EXOC4: variants seen among roughly 807,000 people sequenced by gnomAD.
The protein encoded by EXOC4 is SEC8-like 1.
Under a neutral mutation model 107.2 loss-of-function variants are expected in EXOC4, and 71 were observed. The observed-to-expected ratio is 0.66, with a 90% CI of 0.55 to 0.81. The LOEUF is 0.81. Among genes scored for constraint, EXOC4 ranks in the 30% least tolerant of loss-of-function variants. EXOC4 has a pLI of 0.00. For synonymous variants in EXOC4, 456 were observed against 441.2 expected (o/e 1.03, Z -0.42); for missense variants, 1,108 against 1,189.6 (o/e 0.93, Z 1.01).
chr7:133,652,604 G>A (rs1803188855), intron 10 of EXOC4, among the ~76,000 whole-genome samples: 1 of 152,062 alleles, frequency 6.6e-6, no homozygotes, highest in Non-Finnish European at 1.5e-5. Context: ...TGGGGAAGGG[G>A]CAAGAGGGAG....
chr7:133,606,144 C>T (rs1437552179), intron 9 of EXOC4, among the ~76,000 whole-genome samples: 1 of 152,116 alleles, frequency 6.6e-6, no homozygotes, highest in South Asian at 2.1e-4. Flanking sequence ...AAAGCGAGGG[C>T]CTGAGAGCTG....
intron 12 of EXOC4, among the ~76,000 whole-genome samples, chr7:133,909,144 C>T (rs1799632123): frequency 6.6e-6 from 1 of 152,146 alleles, no homozygotes; most frequent in Non-Finnish European, 1.5e-5. Context: ...TTTTGTGCTT[C>T]AGTTATGTCA....
At chr7:133,710,298 G>A (rs1794858093) in intron 10 of EXOC4, among the ~76,000 whole-genome samples, 1 of 152,116 alleles carries the variant, frequency 6.6e-6, no homozygotes, top group Non-Finnish European at 1.5e-5. Context: ...CATCCTTAGT[G>A]GCTCAGTTTG....
At chr7:133,959,877 A>G (rs117150091) in intron 14 of EXOC4, among the ~76,000 whole-genome samples, 1,559 of 152,332 alleles carry the variant, frequency 0.01, 7 homozygotes, top group Non-Finnish European at 0.015. Flanking sequence ...TACCAGTTCC[A>G]TGTAAGGGAA....
chr7:133,684,123 C>G (rs1255848373), intron 10 of EXOC4, among the ~76,000 whole-genome samples: 1 of 152,162 alleles, frequency 6.6e-6, no homozygotes, highest in Non-Finnish European at 1.5e-5. Context: ...CGAACTATAA[C>G]TCGTAGATCC....
At chr7:133,538,660 TAAAAATAA>T (rs1393661214) in intron 9 of EXOC4, among the ~76,000 whole-genome samples, 1 of 151,504 alleles carries the variant, frequency 6.6e-6, no homozygotes, top group Non-Finnish European at 1.5e-5. Context: ...CTACAAAAAA[TAAAAATAA>T]AAAAATAAAA....
intron 5 of EXOC4, among the ~76,000 whole-genome samples, chr7:133,338,280 T>G (rs948907678): frequency 6.6e-6 from 1 of 152,100 alleles, no homozygotes; most frequent in East Asian, 1.9e-4. Flanking sequence ...GTAGTTTTCA[T>G]TATCATTTTA....
At chr7:133,719,227 G>A (rs193082085) in intron 10 of EXOC4, among the ~76,000 whole-genome samples, 1 of 152,112 alleles carries the variant, frequency 6.6e-6, no homozygotes, top group African/African-American at 2.4e-5. Flanking sequence ...GATGTGACTT[G>A]CTCCTCCTTG....
chr7:134,030,548 G>A (rs1414916139), intron 17 of EXOC4, among the ~76,000 whole-genome samples: 4 of 152,192 alleles, frequency 2.6e-5, no homozygotes, highest in Admixed American at 2.6e-4. Flanking sequence ...GCTGATGAGA[G>A]TGCAGTGCAG....
intron 10 of EXOC4, among the ~76,000 whole-genome samples, chr7:133,773,464 T>TTATTATTATTATTATTATTA (rs1796284998): frequency 6.7e-6 from 1 of 149,226 alleles, no homozygotes; most frequent in African/African-American, 2.5e-5. Flanking sequence ...TTACTAGGTT[T>TTATTATTATTATTATTATTA]TTATTATTAT....
At chr7:133,526,938 C>T (rs1430760751) in intron 9 of EXOC4, among the ~76,000 whole-genome samples, 1 of 152,014 alleles carries the variant, frequency 6.6e-6, no homozygotes, top group Non-Finnish European at 1.5e-5. Context: ...CGCTACTGCA[C>T]TCCAGCCTGG....
intron 10 of EXOC4, among the ~76,000 whole-genome samples, chr7:133,693,258 GT>G (rs1239703683): frequency 6.6e-6 from 1 of 152,216 alleles, no homozygotes; most frequent in Non-Finnish European, 1.5e-5. Flanking sequence ...GAGTCCAAGA[GT>G]CCAAAAGCTG....
chr7:133,521,118 TTGTATC>T (rs1257331903), intron 9 of EXOC4, among the ~76,000 whole-genome samples: 1 of 152,208 alleles, frequency 6.6e-6, no homozygotes, highest in African/African-American at 2.4e-5. Context: ...AAAATGACGT[TTGTATC>T]TGTCAGGCTT....
chr7:133,296,668 G>A (rs777451001), intron 3 of EXOC4, among the ~76,000 whole-genome samples: 1 of 151,840 alleles, frequency 6.6e-6, no homozygotes, highest in Admixed American at 6.6e-5. Flanking sequence ...TGTTTGATAG[G>A]CACCTGGTTA....
chr7:133,822,206 T>C (rs1797537511), intron 11 of EXOC4, among the ~76,000 whole-genome samples: 1 of 152,182 alleles, frequency 6.6e-6, no homozygotes, highest in Admixed American at 6.5e-5. Context: ...GAACACGGAG[T>C]TCTGGAAACA....
intron 14 of EXOC4, among the ~76,000 whole-genome samples, chr7:133,942,069 A>G (rs1800443362): frequency 1.3e-5 from 2 of 152,166 alleles, no homozygotes; most frequent in Non-Finnish European, 2.9e-5. Flanking sequence ...TTTCTTTTGC[A>G]TCTTATCCTC....
rs117827725 is a variant in EXOC4 at position 133,701,235 on chromosome 7, C to T, written c.1514+71094C>T. On this transcript the variant is annotated intron_variant, in intron 10 of 17. Coordinates refer to ENST00000253861, the MANE Select transcript of EXOC4 (RefSeq NM_021807.4). ...TTATCCAAATAGCTCTTACATGCCC[C>T]CAAAAGATCTCCACAGAGTGCAAGA... is the stretch of plus-strand genomic sequence containing the variant. Among the ~76,000 whole-genome samples, 69 of 152,262 alleles carry T rather than the reference C, an allele frequency of 4.5e-4. 1 individual carries two copies. The East Asian group carries it at 0.011, about 23-fold the overall frequency.
At chr7:133,753,391 T>C (rs1795834257) in intron 10 of EXOC4, among the ~76,000 whole-genome samples, 1 of 152,194 alleles carries the variant, frequency 6.6e-6, no homozygotes, top group Admixed American at 6.5e-5. Flanking sequence ...AGACACTTGA[T>C]AAAATGTTGT....
intron 9 of EXOC4, chr7:133,480,355 G>C: frequency 1.5e-6 from 2 of 1,363,100 alleles, no homozygotes; most frequent in Non-Finnish European, 1.9e-6. Flanking sequence ...CTGTTCAAGT[G>C]GGAATTCAAA....
Sources: allele counts gnomAD v4.1 joint callset (sites outside exome capture counted in the v4.1 genomes callset), GRCh38; gene constraint gnomAD v4.1.1; transcripts MANE v1.5; gene names NCBI Gene and HGNC (gene_info 2026-07-23, HGNC 2026-07-21).